Variants in TSHZ2 observed in about 807,000 individuals in gnomAD.
TSHZ2 encodes the protein teashirt homolog 2.
Under a neutral mutation model 74.4 loss-of-function variants are expected in TSHZ2, and 21 were observed. The ratio of observed to expected loss-of-function variants is 0.28; its 90% CI spans 0.20 to 0.41. The LOEUF (loss-of-function observed/expected upper bound fraction) is 0.41, where lower values mean the gene tolerates loss of function less well. Ranked by LOEUF, TSHZ2 falls within the 10% of genes least tolerant of loss-of-function variation. The probability of loss-of-function intolerance (pLI) is 1.00; values close to 1 mark genes in which losing one functional copy is unlikely to be tolerated. For missense variants in TSHZ2, 1,244 were observed against 1,293.5 expected (o/e 0.96, Z 0.59); for synonymous variants, 540 against 515.3 (o/e 1.05, Z -0.65).
At chr20:53,261,477 G>A (rs192443724) in intron 2 of TSHZ2, among the ~76,000 whole-genome samples, 103 of 152,228 alleles carry the variant, frequency 6.8e-4, no homozygotes, top group African/African-American at 2.4e-3. Context: ...TTCATTTTAG[G>A]GAAAGGAAAT....
chr20:53,219,448 T>G (rs1989507240), intron 1 of TSHZ2, among the ~76,000 whole-genome samples: 1 of 152,246 alleles, frequency 6.6e-6, no homozygotes, highest in South Asian at 2.1e-4. Context: ...AACTACTGCA[T>G]AGTTAGCACT....
At chr20:53,259,794 T>C (rs1305698424) in intron 2 of TSHZ2, among the ~76,000 whole-genome samples, 1 of 152,224 alleles carries the variant, frequency 6.6e-6, no homozygotes, top group Non-Finnish European at 1.5e-5. Context: ...AAATATTGCA[T>C]GGGCCATACT....
At chr20:52,979,540 A>G (rs1981482120) in intron 1 of TSHZ2, among the ~76,000 whole-genome samples, 2 of 152,334 alleles carry the variant, frequency 1.3e-5, no homozygotes, top group South Asian at 2.1e-4. Flanking sequence ...GACACAGAAG[A>G]GAAATCTGAG....
intron 1 of TSHZ2, among the ~76,000 whole-genome samples, chr20:53,130,255 A>G (rs1411147445): frequency 6.6e-6 from 1 of 152,062 alleles, no homozygotes; most frequent in Non-Finnish European, 1.5e-5. Context: ...GAAAGAAAAG[A>G]AAAGAAAAGA....
chr20:53,039,781 A>AACACACAC (rs61356112), intron 1 of TSHZ2, among the ~76,000 whole-genome samples: 4 of 149,702 alleles, frequency 2.7e-5, no homozygotes, highest in East Asian at 2.0e-4. Flanking sequence ...CTCCATCTCA[A>AACACACAC]ACACACACAC....
At chr20:53,410,172 C>T (rs1489111370) in intron 2 of TSHZ2, among the ~76,000 whole-genome samples, 1 of 152,160 alleles carries the variant, frequency 6.6e-6, no homozygotes, top group Non-Finnish European at 1.5e-5. Flanking sequence ...AATGTTCACT[C>T]TGAGAATCAG....
Position 53,184,946 on chromosome 20 carries a change from T to C in TSHZ2, c.41-68553T>C, listed in dbSNP as rs372665891. ...CTGCTCTCAAACTCCTGGCCTCAAG[T>C]GATCTGCCCGCATTGGCCTCCTAAA... On this transcript the variant is annotated intron_variant, in intron 1 of 2. Transcript: ENST00000371497. Among the ~76,000 whole-genome samples, 10 of 152,316 alleles carry C rather than the reference T, an allele frequency of 6.6e-5. No homozygotes were observed. In the East Asian group the frequency reaches 9.6e-4, roughly 15 times the overall value.
intron 1 of TSHZ2, among the ~76,000 whole-genome samples, chr20:52,982,316 G>A (rs1331970076): frequency 1.3e-5 from 2 of 152,152 alleles, no homozygotes; most frequent in Non-Finnish European, 2.9e-5. Context: ...ATCTAGAATA[G>A]TCATAGCGAG....
At chr20:53,150,538 A>G (rs1243099413) in intron 1 of TSHZ2, among the ~76,000 whole-genome samples, 1 of 152,174 alleles carries the variant, frequency 6.6e-6, no homozygotes, top group Non-Finnish European at 1.5e-5. Flanking sequence ...TTGTCTTGCA[A>G]AGCCTAAAAT....
intron 2 of TSHZ2, among the ~76,000 whole-genome samples, chr20:53,436,535 TATTA>T (rs1245083334): frequency 2.1e-3 from 216 of 103,182 alleles, no homozygotes; most frequent in African/African-American, 8.6e-3. Context: ...TTATTATTAT[TATTA>T]TTATTATTAT....
intron 2 of TSHZ2, among the ~76,000 whole-genome samples, chr20:53,291,836 A>G (rs1182393153): frequency 6.6e-6 from 1 of 152,188 alleles, no homozygotes; most frequent in African/African-American, 2.4e-5. Flanking sequence ...CTACGTTGGT[A>G]CATTTGGTAC....
intron 1 of TSHZ2, among the ~76,000 whole-genome samples, chr20:53,075,790 C>A (rs1290440584): frequency 6.6e-6 from 1 of 152,262 alleles, no homozygotes; most frequent in Non-Finnish European, 1.5e-5. Context: ...CACACTGGGA[C>A]AAGTCAGCCA....
intron 1 of TSHZ2, among the ~76,000 whole-genome samples, chr20:53,204,103 G>A (rs143037476): frequency 0.45 from 582 of 1,286 alleles, 28 homozygotes; most frequent in African/African-American, 0.49. Flanking sequence ...ATGATGATAT[G>A]ATATACTATA....
intron 1 of TSHZ2, among the ~76,000 whole-genome samples, chr20:53,222,230 T>C (rs1386128601): frequency 6.7e-6 from 1 of 150,260 alleles, no homozygotes; most frequent in Non-Finnish European, 1.5e-5. Flanking sequence ...CAAATGACTT[T>C]AGAATTCTGT....
intron 2 of TSHZ2, among the ~76,000 whole-genome samples, chr20:53,346,273 A>G (rs987678734): frequency 1.3e-5 from 2 of 152,190 alleles, no homozygotes; most frequent in Non-Finnish European, 2.9e-5. Context: ...TCCCGCTGAC[A>G]TGACCTTTCT....
intron 1 of TSHZ2, among the ~76,000 whole-genome samples, chr20:53,069,829 G>A (rs1219151759): frequency 6.6e-6 from 1 of 151,992 alleles, no homozygotes; most frequent in Non-Finnish European, 1.5e-5. Flanking sequence ...TTATTAACAT[G>A]CAATTGTCAC....
intron 1 of TSHZ2, among the ~76,000 whole-genome samples, chr20:53,161,130 C>CAAAAAAAAAAAAAAAAA (rs368626161): frequency 7.4e-5 from 5 of 67,978 alleles, no homozygotes; most frequent in Admixed American, 2.1e-4. Context: ...TTATTTTCAG[C>CAAAAAAAAAAAAAAAAA]AAAAAAAAAA....
In TSHZ2 at chr20:52,991,656, A is replaced by G. The variant is rs60692008; in HGVS notation, c.40+18323A>G. ...TTAGTGTGTGTTGTGGGGGGAGAGA[A>G]TGTGAAAGCTTTTCTGATGCATGAT... On this transcript the variant is annotated intron_variant, in intron 1 of 2. Coordinates refer to ENST00000371497, the MANE Select transcript of TSHZ2 (RefSeq NM_173485.6). Among the ~76,000 whole-genome samples the G allele has an allele frequency of 3.2e-3, 349 of 109,794 alleles. No homozygotes were observed. In the Middle Eastern group the frequency reaches 0.037, roughly 12 times the overall value. The allele number at this position is 109,794 out of a possible 152,430, so 72.0% of individuals were successfully genotyped here. A position where few individuals can be genotyped will look rare whatever the true frequency, so the allele number is the denominator to read the frequency against.
At chr20:53,423,401 A>AAACC (rs1983548856) in intron 2 of TSHZ2, among the ~76,000 whole-genome samples, 1 of 138,654 alleles carries the variant, frequency 7.2e-6, no homozygotes, top group African/African-American at 3.1e-5. Context: ...ACAAACAAAC[A>AAACC]AAAAAGGCTA....
Sources: gnomAD v4.1 joint callset for allele counts (sites outside exome capture counted in the v4.1 genomes callset) on GRCh38, gnomAD v4.1.1 for gene constraint, MANE v1.5 for transcripts, NCBI Gene and HGNC (gene_info 2026-07-23, HGNC 2026-07-21) for gene names.